The following SNX24 variants were observed in gnomAD, a reference collection of about 807,000 sequenced individuals.
SNX24 encodes sorting nexin-24.
In SNX24, 22 loss-of-function variants were observed where a neutral mutation model predicts 28.7. The ratio of observed to expected loss-of-function variants is 0.77; its 90% CI spans 0.55 to 1.10. The LOEUF (loss-of-function observed/expected upper bound fraction) is 1.10. Ranked by LOEUF, SNX24 falls within the 50% of genes least tolerant of loss-of-function variation. SNX24 has a pLI of 0.00. For missense variants in SNX24, 221 were observed against 201.1 expected, an observed-to-expected ratio of 1.10 and a Z score of -0.60; for synonymous variants, 69 against 71.5, an observed-to-expected ratio of 0.96 and a Z score of 0.18.
chr5:122,861,693 G>A (rs1412216687), intron 1 of SNX24, among the ~76,000 whole-genome samples: 1 of 151,942 alleles, frequency 6.6e-6, no homozygotes, highest in African/African-American at 2.4e-5. Context: ...CCAATATGGT[G>A]TCCCTTTTCA....
At chr5:122,878,394 T>G (rs1756326188) in intron 1 of SNX24, among the ~76,000 whole-genome samples, 1 of 151,696 alleles carries the variant, frequency 6.6e-6, no homozygotes, top group Non-Finnish European at 1.5e-5. Flanking sequence ...TGGGAGAGAG[T>G]GAGGACCCTG....
chr5:122,866,699 G>T (rs1318844044), intron 1 of SNX24, among the ~76,000 whole-genome samples: 1 of 152,154 alleles, frequency 6.6e-6, no homozygotes, highest in East Asian at 1.9e-4. Context: ...CCTTACCTCT[G>T]TTGTGGAGTA....
chr5:122,862,314 CAAAAG>C (rs1295604043), intron 1 of SNX24, among the ~76,000 whole-genome samples: 1 of 151,054 alleles, frequency 6.6e-6, no homozygotes, highest in African/African-American at 2.4e-5. Flanking sequence ...GTACAAGTGA[CAAAAG>C]AAAAAAAAGA....
chr5:122,864,459 G>A (rs1157994862), intron 1 of SNX24, among the ~76,000 whole-genome samples: 1 of 152,218 alleles, frequency 6.6e-6, no homozygotes, highest in Non-Finnish European at 1.5e-5. Flanking sequence ...AACAGAGAAA[G>A]AGTAATTCAC....
intron 1 of SNX24, among the ~76,000 whole-genome samples, chr5:122,866,073 C>T (rs62377384): frequency 2.1e-4 from 32 of 152,148 alleles, no homozygotes; most frequent in Admixed American, 4.6e-4. Flanking sequence ...ATTTTTGTAA[C>T]AAAATAAGGA....
chr5:122,949,919 T>C (rs1759861709), intron 3 of SNX24, among the ~76,000 whole-genome samples: 9 of 152,210 alleles, frequency 5.9e-5, no homozygotes, highest in Admixed American at 5.9e-4. Context: ...TTGAGTAATT[T>C]GAAGTATGGC....
chr5:123,021,110 C>CCT (rs1554081407), intron 5 of SNX24, among the ~76,000 whole-genome samples: 5 of 151,752 alleles, frequency 3.3e-5, no homozygotes, highest in African/African-American at 4.8e-5. Flanking sequence ...CAGTTCCCCC[C>CCT]CCGTCCCCAT....
At chr5:122,936,093 T>A (rs1215379428) in intron 1 of SNX24, among the ~76,000 whole-genome samples, 2 of 152,180 alleles carry the variant, frequency 1.3e-5, no homozygotes, top group African/African-American at 4.8e-5. Context: ...GCCTACTAAT[T>A]AGTGCACCCA....
At chr5:122,997,723 A>G (rs1418540228) in intron 3 of SNX24, among the ~76,000 whole-genome samples, 1 of 152,180 alleles carries the variant, frequency 6.6e-6, no homozygotes, top group Non-Finnish European at 1.5e-5. Flanking sequence ...CAGGTCATTA[A>G]AAGTGTCCCA....
intron 1 of SNX24, among the ~76,000 whole-genome samples, chr5:122,865,861 A>G (rs1309384147): frequency 1.3e-5 from 2 of 152,164 alleles, no homozygotes; most frequent in Non-Finnish European, 2.9e-5. Context: ...TATAACCCCA[A>G]ATACACTAAC....
chr5:122,907,779 A>G (rs538980157), intron 1 of SNX24, among the ~76,000 whole-genome samples: 2 of 152,240 alleles, frequency 1.3e-5, no homozygotes, highest in South Asian at 2.1e-4. Flanking sequence ...ATCAATTTTT[A>G]TTTTCCTGAT....
intron 5 of SNX24, chr5:123,022,335 T>A (rs540580374): frequency 6.6e-6 from 1 of 152,366 alleles, no homozygotes; most frequent in East Asian, 1.9e-4. Context: ...GGATCCTCAC[T>A]GCTTGAGTCC....
At chr5:122,886,723 A>C (rs1274279644) in intron 1 of SNX24, among the ~76,000 whole-genome samples, 2 of 151,874 alleles carry the variant, frequency 1.3e-5, no homozygotes, top group Non-Finnish European at 2.9e-5. Flanking sequence ...CCAGCTACTC[A>C]GGAGGCTGAG....
chr5:123,008,305 C>T lies in SNX24; in HGVS notation c.*556C>T, dbSNP rs1317816289. ...TTAAATTATACTGACAATATTATGGCATTTTTAAGATCATGGCATTTTAAT... is the reference window on the plus strand; with the variant it reads ...TTAAATTATACTGACAATATTATGGTATTTTTAAGATCATGGCATTTTAAT... On this transcript the variant is annotated 3_prime_UTR_variant, in exon 7 of 7. Transcript: ENST00000261369. 1 of 983,478 alleles carries T rather than the reference C, an allele frequency of 1.0e-6. No individual in the cohort carries two copies. The highest frequency in any genetic ancestry group is 1.7e-5 in the African/African-American group (1 of 57,280). The allele number at this position is 983,478 out of a possible 1,614,324, so 60.9% of individuals were successfully genotyped here. A position where few individuals can be genotyped will look rare whatever the true frequency, so the allele number is the denominator to read the frequency against.
At chr5:122,958,154 G>T (rs557656168) in intron 3 of SNX24, among the ~76,000 whole-genome samples, 28 of 152,098 alleles carry the variant, frequency 1.8e-4, no homozygotes, top group Non-Finnish European at 3.8e-4. Context: ...GATATTTACT[G>T]TGGGTTTTAA....
At chr5:122,977,034 G>A (rs539466366) in intron 3 of SNX24, among the ~76,000 whole-genome samples, 1 of 151,938 alleles carries the variant, frequency 6.6e-6, no homozygotes, top group Admixed American at 6.5e-5. Context: ...TACTGGATTT[G>A]GTAGTGCATT....
Position 122,946,025 on chromosome 5 carries a change from T to TC in SNX24, c.145-29dup, listed in dbSNP as rs398050707. The TC allele has an allele frequency of 8.9e-6, 11 of 1,232,758 alleles. No homozygotes were observed. In the African/African-American group the frequency reaches 1.2e-4, roughly 14 times the overall value. The allele number at this position is 1,232,758 out of a possible 1,614,324, so 76.4% of individuals were successfully genotyped here. ...TAACAGACATCTCTGTTTTTTTTTT[T>TC]CTTTTTCTTTTCCTATTCTGTCTTT... On this transcript the variant is annotated intron_variant, in intron 2 of 6. Transcript: ENST00000261369.
At chr5:122,988,096 G>T (rs1221573236) in intron 3 of SNX24, among the ~76,000 whole-genome samples, 1 of 152,190 alleles carries the variant, frequency 6.6e-6, no homozygotes. Context: ...AACAGACTGA[G>T]GTGAGGGTGG....
intron 1 of SNX24, 146 bp downstream of exon 1, chr5:122,845,839 C>T (rs1314753807): frequency 6.8e-6 from 3 of 441,522 alleles, no homozygotes; most frequent in Non-Finnish European, 1.1e-5. Flanking sequence ...AGGGCTGCGC[C>T]CTTGGCGCGG....
Sources: gnomAD v4.1 joint callset for allele counts (sites outside exome capture counted in the v4.1 genomes callset) on GRCh38, gnomAD v4.1.1 for gene constraint, MANE v1.5 for transcripts, NCBI Gene and HGNC (gene_info 2026-07-23, HGNC 2026-07-21) for gene names.